ZNF285: variants seen among roughly 807,000 people sequenced by gnomAD.
The protein encoded by ZNF285 is zinc finger protein 285A.
In ZNF285, 4 loss-of-function variants were observed where a neutral mutation model predicts 6.2. The ratio of observed to expected loss-of-function variants is 0.65; its 90% confidence interval spans 0.32 to 1.49. ZNF285 has a LOEUF of 1.49. Among genes scored for constraint, ZNF285 ranks in the 40% most tolerant of loss-of-function variants. ZNF285 has a pLI of 0.07. For missense variants in ZNF285, 695 were observed against 708.8 expected (o/e 0.98, Z 0.22); for synonymous variants, 240 against 245.8 (o/e 0.98, Z 0.22).
chr19:44,399,820 A>G (rs1188732723), intron 1 of ZNF285, among the ~76,000 whole-genome samples: 3 of 152,092 alleles, frequency 2.0e-5, no homozygotes, highest in East Asian at 1.9e-4. Flanking sequence ...ATAAGGCTCT[A>G]TCCTGGGGAG....
chr19:44,386,353 T>C lies in ZNF285; in HGVS notation c.*119A>G, dbSNP rs1020432494. On this transcript the variant is annotated 3_prime_UTR_variant, in exon 4 of 4. Coordinates refer to ENST00000614994, the MANE Select transcript of ZNF285 (RefSeq NM_152354.6). Reference sequence around the variant, plus strand: ...ACACTTCAGTGCTGCAGGCTGACATTATCGATGGCAGTGTCCCTGTCTTTT... The same window carrying C: ...ACACTTCAGTGCTGCAGGCTGACATCATCGATGGCAGTGTCCCTGTCTTTT... 117 of 1,096,232 alleles carry C rather than the reference T, an allele frequency of 1.1e-4. No homozygotes were observed. The highest frequency in any genetic ancestry group is 3.0e-4 in the African/African-American group (19 of 63,524). The allele number at this position is 1,096,232 out of a possible 1,614,324, so 67.9% of individuals were successfully genotyped here. A position where few individuals can be genotyped will look rare whatever the true frequency, so the allele number is the denominator to read the frequency against.
At chr19:44,397,402 C>T (rs1446741064) in intron 1 of ZNF285, 146 bp from the exon 2 acceptor site, 1 of 861,116 alleles carries the variant, frequency 1.2e-6, no homozygotes, top group Admixed American at 2.5e-5. Context: ...GAACTCCCAC[C>T]TCCTCAAGAC....
intron 3 of ZNF285, among the ~76,000 whole-genome samples, chr19:44,390,326 T>C (rs1377487901): frequency 2.6e-5 from 4 of 152,096 alleles, no homozygotes; most frequent in South Asian, 4.1e-4. Flanking sequence ...ACCTCTTACA[T>C]GAGTGTGATC....
chr19:44,385,228 T>C lies in ZNF285; in HGVS notation c.*1244A>G, dbSNP rs1164860695. 2 of 152,166 alleles carry C rather than the reference T, an allele frequency of 1.3e-5. No individual in the cohort carries two copies. Among genetic ancestry groups the C allele is most frequent in the Non-Finnish European group, 2.9e-5 (2 of 68,038 alleles). The allele number at this position is 152,166 out of a possible 1,614,324, so 9.4% of individuals were successfully genotyped here. ...AATGTTGATTTTATTCAATTAATTT[T>C]ATTAAGACTAACCACAGAACACCTA... On this transcript the variant is annotated 3_prime_UTR_variant, in exon 4 of 4. Transcript: ENST00000614994.
At chr19:44,394,931 T>A (rs1391799874) in intron 2 of ZNF285, among the ~76,000 whole-genome samples, 6 of 152,152 alleles carry the variant, frequency 3.9e-5, no homozygotes, top group Non-Finnish European at 7.3e-5. Flanking sequence ...ATTCAGGAAA[T>A]ACAGATACAC....
chr19:44,397,648 C>A (rs1971304549), intron 1 of ZNF285, among the ~76,000 whole-genome samples: 1 of 152,034 alleles, frequency 6.6e-6, no homozygotes, highest in South Asian at 2.1e-4. Flanking sequence ...ACTTTGGGAA[C>A]CCGAGACGGG....
At chr19:44,400,091 C>T (rs1172213800) in intron 1 of ZNF285, among the ~76,000 whole-genome samples, 1 of 150,562 alleles carries the variant, frequency 6.6e-6, no homozygotes, top group Non-Finnish European at 1.5e-5. Context: ...AAGGCAATGG[C>T]GGCCTTTCAG....
Position 44,384,576 on chromosome 19 carries a change from C to A in ZNF285, c.*1896G>T, listed in dbSNP as rs1423117584. 2.6e-5 allele frequency: 4 copies of A among 151,750 alleles called. No homozygotes were observed. Among genetic ancestry groups the A allele is most frequent in the Non-Finnish European group, 4.4e-5 (3 of 67,986 alleles). The allele number at this position is 151,750 out of a possible 1,614,324, so 9.4% of individuals were successfully genotyped here. ...TGCACTTGAATGGCTGTTCTGTTTA[C>A]AAACTATAACTAGCAGGAAACTGTA... On this transcript the variant is annotated 3_prime_UTR_variant, in exon 4 of 4. Transcript: ENST00000614994.
chr19:44,393,366 C>T (rs1212700981), intron 2 of ZNF285, among the ~76,000 whole-genome samples: 2 of 152,072 alleles, frequency 1.3e-5, no homozygotes, highest in Non-Finnish European at 2.9e-5. Flanking sequence ...TAAAAGGATG[C>T]GGGTAATCAT....
rs140349335 is a variant in ZNF285, at chr19:44,387,265, C to T, written c.980G>A (p.Arg327His). 1.2e-5 allele frequency: 20 copies of T among 1,613,998 alleles called. No homozygotes were observed. The highest frequency in any genetic ancestry group is 2.7e-5 in the African/African-American group (2 of 74,904). ...KCKECGKGFR[R>H]SSSLHNHHRV... The stretch of plus-strand genomic sequence containing the variant: ...ATGATGGTTGTGAAGGGAAGAGCTG[C>T]GCCTGAAGCCCTTGCCACATTCTTT... Residue 327 changes from arginine (R) to histidine (H), a missense_variant, in exon 4 of 4, where the codon CGC becomes CAC. Transcript: ENST00000614994.
At chr19:44,394,454 T>A (rs1459306157) in intron 2 of ZNF285, 1 of 483,396 alleles carries the variant, frequency 2.1e-6, no homozygotes, top group Non-Finnish European at 3.6e-6. Context: ...GGTATTATGC[T>A]GATTACCTGG....
rs1971067231 is a variant in ZNF285 at position 44,386,273 on chromosome 19, C to T, written c.*199G>A. ...GTAACCTCTTTGCCATTGTAGCATA[C>T]AGCAGTTGATGGGAGCTTCACAGAA... On this transcript the variant is annotated 3_prime_UTR_variant, in exon 4 of 4. Transcript: ENST00000614994. 2 of 590,448 alleles carry T rather than the reference C, an allele frequency of 3.4e-6. No homozygotes were observed. The highest frequency in any genetic ancestry group is 3.1e-5 in the Admixed American group (1 of 32,454). 36.6% of individuals were successfully genotyped at this position (590,448 alleles called of 1,614,324 possible).
At chr19:44,401,197 C>G (rs1425515359) in intron 1 of ZNF285, among the ~76,000 whole-genome samples, 2 of 152,160 alleles carry the variant, frequency 1.3e-5, no homozygotes, top group African/African-American at 4.8e-5. Context: ...AGCCATTACT[C>G]CAAAACCCTG....
At chr19:44,400,908 G>T (rs538789834) in intron 1 of ZNF285, among the ~76,000 whole-genome samples, 6 of 152,116 alleles carry the variant, frequency 3.9e-5, no homozygotes, top group East Asian at 1.9e-4. Flanking sequence ...AAATGTATTC[G>T]GTGACATTAA....
intron 1 of ZNF285, among the ~76,000 whole-genome samples, chr19:44,399,038 T>C (rs1971331738): frequency 6.6e-6 from 1 of 152,094 alleles, no homozygotes; most frequent in East Asian, 1.9e-4. Flanking sequence ...ATTATGTTAA[T>C]CAATAAGACA....
Position 44,386,187 on chromosome 19 carries a change from C to T in ZNF285, c.*285G>A, listed in dbSNP as rs1176012482. ...ATTAGAATTTCCTTCCTGGACACACCCTTTAATGGAAATTTGACCACTAAC... is the reference window on the plus strand; with the variant it reads ...ATTAGAATTTCCTTCCTGGACACACTCTTTAATGGAAATTTGACCACTAAC... On this transcript the variant is annotated 3_prime_UTR_variant, in exon 4 of 4. Coordinates refer to ENST00000614994, the MANE Select transcript of ZNF285 (RefSeq NM_152354.6). 9.2e-6 allele frequency: 3 copies of T among 325,268 alleles called. No homozygotes were observed. The highest frequency in any genetic ancestry group is 1.2e-4 in the East Asian group (2 of 16,554). The allele number at this position is 325,268 out of a possible 1,614,324, so 20.1% of individuals were successfully genotyped here.
intron 2 of ZNF285, chr19:44,396,827 C>T (rs187109682): frequency 2.1e-5 from 5 of 238,506 alleles, no homozygotes; most frequent in Non-Finnish European, 8.2e-6. Context: ...AGGCCAGTCA[C>T]ATTTAGAGTA....
chr19:44,398,503 A>T (rs559472548), intron 1 of ZNF285, among the ~76,000 whole-genome samples: 10 of 152,304 alleles, frequency 6.6e-5, no homozygotes, highest in Non-Finnish European at 1.5e-4. Context: ...GGCCTCCATC[A>T]GGCAGCTGTC....
chr19:44,393,720 A>C (rs906065060), intron 2 of ZNF285, among the ~76,000 whole-genome samples: 1 of 152,126 alleles, frequency 6.6e-6, no homozygotes, highest in Non-Finnish European at 1.5e-5. Flanking sequence ...ATACCATCTC[A>C]CACCAGTTAG....
Sources: allele counts gnomAD v4.1 joint callset (sites outside exome capture counted in the v4.1 genomes callset), GRCh38; gene constraint gnomAD v4.1.1; transcripts MANE v1.5; gene names NCBI Gene and HGNC (gene_info 2026-07-23, HGNC 2026-07-21).